Variants in AKR1B10 observed in about 807,000 individuals in gnomAD.
AKR1B10 encodes the protein ARP.
In AKR1B10, 39 loss-of-function variants were observed where a neutral mutation model predicts 38.9. That is an observed-to-expected ratio of 1.00 (90% CI 0.78 to 1.31). The LOEUF is 1.31. AKR1B10 is among the 50% of genes most tolerant of loss of function. AKR1B10 has a pLI of 0.00. For synonymous variants in AKR1B10, 148 were observed against 141.2 expected (o/e 1.05, Z -0.34); for missense variants, 361 against 382.6 (o/e 0.94, Z 0.47).
Position 134,527,968 on chromosome 7 carries a change from C to T in AKR1B10, c.57C>T (p.Gly19=), listed in dbSNP as rs2117531189. ...TKAKMPIVGL[G]TWKSPLGKVK... is the part of the protein sequence containing the mutation. ...CCAAGATGCCCATTGTGGGCCTGGG[C>T]ACTTGGAAGGTAAATATGCAAATCT... The change falls in exon 1 of 10, where the codon GGC becomes GGT. Residue 19 remains glycine, a synonymous_variant. Transcript: ENST00000359579. 1 of 1,613,976 alleles carries T rather than the reference C, an allele frequency of 6.2e-7. No individual in the cohort carries two copies. The highest frequency in any genetic ancestry group is 1.7e-5 in the Admixed American group (1 of 60,026).
chr7:134,538,444 A>T (rs1223463750), intron 8 of AKR1B10, among the ~76,000 whole-genome samples, 167 bp downstream of exon 8: 1 of 152,110 alleles, frequency 6.6e-6, no homozygotes, highest in Admixed American at 6.5e-5. Flanking sequence ...GCTGAGATGA[A>T]TGACCCATGG....
rs1048624624 is a variant in AKR1B10, at chr7:134,537,257, A to T, written c.659+100A>T. Reference sequence around the variant, plus strand: ...TGGGTCCATAAGTTACTGGAAAGAAAAATGTGTGTAAGGTAACACGTTTGG... The same window carrying T: ...TGGGTCCATAAGTTACTGGAAAGAATAATGTGTGTAAGGTAACACGTTTGG... On this transcript the variant is annotated intron_variant, in intron 6 of 9. Transcript: ENST00000359579. 71 of 1,479,144 alleles carry T rather than the reference A, an allele frequency of 4.8e-5. 1 individual carries two copies. The highest frequency in any genetic ancestry group is 7.4e-5 in the Admixed American group (3 of 40,642). 91.6% of individuals were successfully genotyped at this position (1,479,144 alleles called of 1,614,324 possible). A position where few individuals can be genotyped will look rare whatever the true frequency, so the allele number is the denominator to read the frequency against.
chr7:134,530,507 A>T (rs1722886), intron 1 of AKR1B10, 136 bp from the exon 2 acceptor site: 381,699 of 865,226 alleles, frequency 0.44, 87,839 homozygotes, highest in African/African-American at 0.71. Context: ...GGTTGCTGAG[A>T]GTGGTGTAAT....
Position 134,537,601 on chromosome 7 carries a change from C to T in AKR1B10, c.681C>T (p.Ser227=). 2 of 1,614,006 alleles carry T rather than the reference C, an allele frequency of 1.2e-6. No homozygotes were observed. Among genetic ancestry groups the T allele is most frequent in the Non-Finnish European group, 8.5e-7 (1 of 1,179,910 alleles). The change falls in exon 7 of 10, where the codon TCC becomes TCT. Residue 227 remains serine (S), a synonymous_variant. Coordinates refer to ENST00000359579, the MANE Select transcript of AKR1B10 (RefSeq NM_020299.5). ...DRPWAKPEDP[S]LLEDPKIKEI... ...CTAGGGCCAAGCCAGAAGACCCTTCCCTGCTGGAGGATCCCAAGATTAAGG... is the reference window on the plus strand; with the variant it reads ...CTAGGGCCAAGCCAGAAGACCCTTCTCTGCTGGAGGATCCCAAGATTAAGG...
chr7:134,530,848 G>A, intron 2 of AKR1B10, 38 bp downstream of exon 2: 1 of 1,581,278 alleles, frequency 6.3e-7, no homozygotes, highest in Non-Finnish European at 8.6e-7. Flanking sequence ...TTCACTTCAA[G>A]GCAGGCAGAA....
In AKR1B10 at chr7:134,536,638, T is replaced by C. The variant is rs1333071605; in HGVS notation, c.430-12T>C. ...TCTAGAGCTGCCCATAAGGTATTCC[T>C]TTCTATGATAGGCCATGGAGGAGCT... On this transcript the variant is annotated splice_polypyrimidine_tract_variant and intron_variant, in intron 4 of 9. Coordinates refer to ENST00000359579, the MANE Select transcript of AKR1B10 (RefSeq NM_020299.5). 3.7e-6 allele frequency: 6 copies of C among 1,613,572 alleles called. No individual in the cohort carries two copies. Among genetic ancestry groups the C allele is most frequent in the Non-Finnish European group, 5.1e-6 (6 of 1,179,716 alleles).
chr7:134,540,860 G>A (rs758898208), intron 9 of AKR1B10, among the ~76,000 whole-genome samples, 187 bp from the exon 10 acceptor site: 4 of 152,042 alleles, frequency 2.6e-5, no homozygotes, highest in Non-Finnish European at 4.4e-5. Flanking sequence ...CCCTCCTTCC[G>A]AGCAAAGCCC....
Position 134,531,920 on chromosome 7 carries a change from T to G in AKR1B10, c.247T>G (p.Phe83Val). Residue 83 changes from phenylalanine to valine, a missense_variant, in exon 3 of 10, where the codon TTC (phenylalanine) becomes GTC (valine). Physicochemically the swap from Phe to Val is conservative, Grantham distance 50 (BLOSUM62 -1). Transcript: ENST00000359579. ...LFIVSKLWPT[F>V]FERPLVRKAF... ...ACACTCTTTGCAGTTGTGGCCCACTTTCTTTGAGAGACCCCTTGTGAGGAA... is the reference window on the plus strand; with the variant it reads ...ACACTCTTTGCAGTTGTGGCCCACTGTCTTTGAGAGACCCCTTGTGAGGAA... 1 of 1,614,086 alleles carries G rather than the reference T, an allele frequency of 6.2e-7. No homozygotes were observed. Among genetic ancestry groups the G allele is most frequent in the Non-Finnish European group, 8.5e-7 (1 of 1,179,964 alleles).
At chr7:134,532,938 A>C (rs1408475562) in intron 3 of AKR1B10, 66 bp from the exon 4 acceptor site, 19 of 1,406,330 alleles carry the variant, frequency 1.4e-5, no homozygotes, top group Non-Finnish European at 1.8e-5. Flanking sequence ...GGATCCTGAA[A>C]CCTTGTTGAA....
chr7:134,539,945 C>T lies in AKR1B10; in HGVS notation c.908+928C>T, dbSNP rs558284245. 1.6e-4 allele frequency among the ~76,000 whole-genome samples: 24 copies of T among 152,310 alleles called. No individual in the cohort carries two copies. In the South Asian group the frequency reaches 1.9e-3, roughly 12 times the overall value. On this transcript the variant is annotated intron_variant, in intron 9 of 9. Transcript: ENST00000359579. ...ATTTTTCACCTTTTAAAAATGATTTCGGCTGGGCGTGGTGGCCCACGGCTG... is the reference window on the plus strand; with the variant it reads ...ATTTTTCACCTTTTAAAAATGATTTTGGCTGGGCGTGGTGGCCCACGGCTG...
At position 134,541,071 on chromosome 7, in the gene AKR1B10, C is replaced by A; in HGVS notation, c.933C>A (p.Pro311=). 1.3e-6 allele frequency: 2 copies of A among 1,582,426 alleles called. No individual in the cohort carries two copies. The highest frequency in any genetic ancestry group is 1.7e-6 in the Non-Finnish European group (2 of 1,152,366). The part of the protein sequence containing the change: ...VLQSSHLEDY[P]FNAEY ...GATCCTCTCATTTGGAAGACTATCC[C>A]TTCAATGCAGAATATTGAGGTTGAA... Residue 311 remains proline, a synonymous_variant, in exon 10 of 10, where the codon CCC becomes CCA. Transcript: ENST00000359579.
intron 6 of AKR1B10, 45 bp downstream of exon 6, chr7:134,537,202 A>C (rs757712439): frequency 7.7e-6 from 12 of 1,549,336 alleles, no homozygotes; most frequent in Non-Finnish European, 1.0e-5. Context: ...AATCTTAAAA[A>C]CATTATTTTA....
chr7:134,541,329 C>A lies in AKR1B10; in HGVS notation c.*240C>A. 2.2e-6 allele frequency: 1 copy of A among 450,274 alleles called. No homozygotes were observed. Among genetic ancestry groups the A allele is most frequent in the Non-Finnish European group, 3.9e-6 (1 of 253,834 alleles). 27.9% of individuals were successfully genotyped at this position (450,274 alleles called of 1,614,324 possible). On this transcript the variant is annotated 3_prime_UTR_variant, in exon 10 of 10. Coordinates refer to ENST00000359579, the MANE Select transcript of AKR1B10 (RefSeq NM_020299.5). ...TGACAATTTTTTCCACTTATCTGAT[C>A]AGAACAAATGTTTATTAAGCATCAG...
Position 134,535,708 on chromosome 7 carries a change from C to T in AKR1B10, c.430-942C>T, listed in dbSNP as rs115525126. 3.1e-3 allele frequency: 3,046 copies of T among 983,238 alleles called. 79 individuals are homozygous for T. The African/African-American group carries it at 0.048, about 16-fold the overall frequency. 60.9% of individuals were successfully genotyped at this position (983,238 alleles called of 1,614,324 possible). On this transcript the variant is annotated intron_variant, in intron 4 of 9. Coordinates refer to ENST00000359579, the MANE Select transcript of AKR1B10 (RefSeq NM_020299.5). ...CTGCCCTTTCTGACTCTGTCTATGC[C>T]GCTGTGATGTTATCTGAGGCAGCCT... is the stretch of plus-strand genomic sequence containing the variant.
Position 134,538,264 on chromosome 7 carries a change from T to C in AKR1B10, c.812T>C (p.Val271Ala). 1.2e-6 allele frequency: 2 copies of C among 1,614,036 alleles called. No homozygotes were observed. The highest frequency in any genetic ancestry group is 8.5e-7 in the Non-Finnish European group (1 of 1,179,924). Residue 271 changes from valine to alanine, a missense_variant, in exon 8 of 10, where the codon GTT becomes GCT. By Grantham distance (64) the Val-to-Ala change is moderately conservative (BLOSUM62 0). Coordinates refer to ENST00000359579, the MANE Select transcript of AKR1B10 (RefSeq NM_020299.5). The stretch of plus-strand genomic sequence containing the variant: ...AAGTCTGTGACACCAGCACGCATTG[T>C]TGAGAACATTCAGGTAAGTTTCCGG... ...IPKSVTPARI[V>A]ENIQVFDFKL...
chr7:134,538,898 C>G (rs1808079619), intron 8 of AKR1B10, 37 bp from the exon 9 acceptor site: 5 of 1,611,856 alleles, frequency 3.1e-6, no homozygotes, highest in Admixed American at 1.7e-5. Flanking sequence ...GCTAGAATGG[C>G]CTTACTGATG....
At chr7:134,530,068 A>T (rs1807807459) in intron 1 of AKR1B10, among the ~76,000 whole-genome samples, 1 of 152,098 alleles carries the variant, frequency 6.6e-6, no homozygotes, top group Admixed American at 6.5e-5. Flanking sequence ...AGGTTTACAG[A>T]GATTGAATCA....
intron 9 of AKR1B10, among the ~76,000 whole-genome samples, chr7:134,540,531 A>C (rs1349656937): frequency 1.3e-5 from 2 of 152,184 alleles, no homozygotes; most frequent in African/African-American, 2.4e-5. Flanking sequence ...ACACTGGTTT[A>C]TTAGCTGTGT....
At chr7:134,540,900 T>C (rs1028730296) in intron 9 of AKR1B10, 147 bp from the exon 10 acceptor site, 7 of 649,686 alleles carry the variant, frequency 1.1e-5, no homozygotes, top group Non-Finnish European at 1.9e-5. Flanking sequence ...GGTCAAAGTG[T>C]GGGCACCCTC....
Sources: gnomAD v4.1 joint callset for allele counts (sites outside exome capture counted in the v4.1 genomes callset) on GRCh38, gnomAD v4.1.1 for gene constraint, MANE v1.5 for transcripts, NCBI Gene and HGNC (gene_info 2026-07-23, HGNC 2026-07-21) for gene names.